The following LCT variants were observed in gnomAD, a reference collection of about 807,000 sequenced individuals.
The protein encoded by LCT is lactase/phlorizin hydrolase.
LCT carries 90 observed loss-of-function variants against 173.0 expected under a neutral mutation model. The observed-to-expected ratio is 0.52, with a 90% CI of 0.44 to 0.62. The LOEUF is 0.62. Ranked by LOEUF, LCT falls within the 20% of genes least tolerant of loss-of-function variation. LCT has a pLI of 0.00. For synonymous variants in LCT, 853 were observed against 957.6 expected (o/e 0.89, Z 2.02); for missense variants, 1,864 against 2,431.4 (o/e 0.77, Z 4.91).
chr2:135,818,085 G>A (rs1202128948), intron 5 of LCT, 24 bp from the exon 6 acceptor site: 1 of 1,612,836 alleles, frequency 6.2e-7, no homozygotes, highest in Admixed American at 1.7e-5. Context: ...GGGACAAAAA[G>A]GGACATAATA....
At chr2:135,811,552 G>A (rs2077734433) in intron 7 of LCT, among the ~76,000 whole-genome samples, 1 of 152,108 alleles carries the variant, frequency 6.6e-6, no homozygotes, top group Non-Finnish European at 1.5e-5. Context: ...CCAATTAAAG[G>A]AAATGAAGAC....
chr2:135,795,868 C>T (rs56982689), intron 13 of LCT, among the ~76,000 whole-genome samples: 24,157 of 151,890 alleles, frequency 0.16, 2,536 homozygotes, highest in South Asian at 0.29. Flanking sequence ...TCAAGCAATC[C>T]TCTCACCTCA....
In LCT at chr2:135,812,762, G is replaced by A. The variant is rs202014246; in HGVS notation, c.1902C>T (p.Pro634=). 69 of 1,614,132 alleles carry A rather than the reference G, an allele frequency of 4.3e-5. No individual in the cohort carries two copies. The highest frequency in any genetic ancestry group is 2.9e-4 in the East Asian group (13 of 44,874). ...CTGGGTAGTCTCCATCCACAAAGAC[G>A]GGGTGTGCAAACCAGCCCAGCATGA... The part of the protein sequence containing the change: ...LHFMLGWFAH[P]VFVDGDYPAT... Residue 634 remains proline, a synonymous_variant, in exon 7 of 17, where the codon CCC becomes CCT. Transcript: ENST00000264162.
rs939861708 is a variant in LCT, at chr2:135,828,838, T to C, written c.804+755A>G. On this transcript the variant is annotated intron_variant, in intron 3 of 16. Transcript: ENST00000264162. ...AGGTCCAGACAGCTGGGATCTGATT[T>C]AGTAGACCTGGGTGTGAAATGTTTG... Among the ~76,000 whole-genome samples, 7 of 152,148 alleles carry C rather than the reference T, an allele frequency of 4.6e-5. No individual in the cohort carries two copies. In the South Asian group the frequency reaches 6.2e-4, roughly 14 times the overall value.
chr2:135,819,482 G>A (rs1254916554), intron 5 of LCT, among the ~76,000 whole-genome samples: 1 of 152,174 alleles, frequency 6.6e-6, no homozygotes, highest in East Asian at 1.9e-4. Flanking sequence ...CAGCCATCGT[G>A]TGGAGAGCCG....
In LCT at chr2:135,812,336, A is replaced by T. The variant is rs2077740965; in HGVS notation, c.2328T>A (p.Asn776Lys). The T allele has an allele frequency of 1.2e-6, 2 of 1,613,862 alleles. No homozygotes were observed. Among genetic ancestry groups the T allele is most frequent in the Non-Finnish European group, 1.7e-6 (2 of 1,179,720 alleles). ...CCTTGAGCACCTCATTGATATATTG[A>T]TTGAAGTAGTCTACTCTTAAGGAAT... ...FDDSLRVDYFNQYINEVLKAI... is the reference protein window; with the variant it reads ...FDDSLRVDYFKQYINEVLKAI... Residue 776 changes from asparagine to lysine, a missense_variant, in exon 7 of 17, where the codon AAT becomes AAA. By Grantham distance (94) the Asn-to-Lys change is moderately conservative (BLOSUM62 0). This residue lies in a region of LCT where 755 missense variants were observed against 926.3 expected (regional missense o/e 0.82). Transcript: ENST00000264162.
At chr2:135,805,226 G>A (rs545345212) in intron 9 of LCT, among the ~76,000 whole-genome samples, 169 bp from the exon 10 acceptor site, 11 of 152,230 alleles carry the variant, frequency 7.2e-5, no homozygotes, top group South Asian at 2.1e-4. Context: ...CAACCCCAGC[G>A]CTATGGGAGG....
intron 16 of LCT, among the ~76,000 whole-genome samples, 166 bp downstream of exon 16, chr2:135,789,405 C>G (rs575966195): frequency 5.3e-5 from 8 of 152,192 alleles, no homozygotes; most frequent in African/African-American, 1.9e-4. Context: ...TTGTTCCACC[C>G]CAGGAAATGT....
chr2:135,792,169 G>A (rs750400836), intron 14 of LCT, among the ~76,000 whole-genome samples: 32 of 152,158 alleles, frequency 2.1e-4, no homozygotes, highest in African/African-American at 2.9e-4. Context: ...TACCTAGAGC[G>A]CAAGTGGATT....
chr2:135,788,605 T>A lies in LCT; in HGVS notation c.5564-61A>T, dbSNP rs544820071. 559 of 1,083,630 alleles carry A rather than the reference T, an allele frequency of 5.2e-4. 2 individuals carry two copies. In the African/African-American group the frequency reaches 7.5e-3, roughly 15 times the overall value. The allele number at this position is 1,083,630 out of a possible 1,614,324, so 67.1% of individuals were successfully genotyped here. Reference sequence around the variant, plus strand: ...GCGCTGATTTGAGTTCTCAGATCTCTGAGACCCCAGCAGAGGCTGCACGGT... The same window carrying A: ...GCGCTGATTTGAGTTCTCAGATCTCAGAGACCCCAGCAGAGGCTGCACGGT... On this transcript the variant is annotated intron_variant, in intron 16 of 16. Transcript: ENST00000264162.
chr2:135,800,212 A>C (rs1456242747), intron 12 of LCT, among the ~76,000 whole-genome samples: 2 of 152,188 alleles, frequency 1.3e-5, no homozygotes, highest in Admixed American at 6.5e-5. Context: ...AGGCAATAGC[A>C]AAACTAGGCT....
At chr2:135,794,565 G>T in intron 14 of LCT, 76 bp downstream of exon 14, 1 of 1,493,662 alleles carries the variant, frequency 6.7e-7, no homozygotes, top group Non-Finnish European at 9.3e-7. Flanking sequence ...GGCTGGGCAG[G>T]CCTCAGAGAG....
rs58161309 is a variant in LCT, at chr2:135,817,043, AT to A, written c.1707+297del. Among the ~76,000 whole-genome samples, 24,464 of 151,232 alleles carry A rather than the reference AT, an allele frequency of 0.16. 2,402 individuals are homozygous for A. Among genetic ancestry groups the A allele is most frequent in the South Asian group, 0.33 (1,567 of 4,786 alleles). On this transcript the variant is annotated intron_variant, in intron 6 of 16. Transcript: ENST00000264162. ...AACACTATGCCCAGCTAATTTTTGT[AT>A]TTTTTTTGCAGAGACAAGATTTCGC... is the stretch of plus-strand genomic sequence containing the variant.
At chr2:135,808,329 G>A in intron 8 of LCT, 114 bp downstream of exon 8, 1 of 883,042 alleles carries the variant, frequency 1.1e-6, no homozygotes, top group East Asian at 2.4e-5. Context: ...ATGGAGTTGG[G>A]ACCTAAGAGA....
rs772850804 is a variant in LCT, at chr2:135,788,482, C to T, written c.5626G>A (p.Gly1876Ser). Residue 1876 changes from glycine to serine, a missense_variant, in exon 17 of 17, where the codon GGC becomes AGC. By Grantham distance (56) the Gly-to-Ser change is moderately conservative. Coordinates refer to ENST00000264162, the MANE Select transcript of LCT (RefSeq NM_002299.4). Reference protein sequence around the residue: ...EEVQFLGLMLGTTEAQTALYV... With the variant: ...EEVQFLGLMLSTTEAQTALYV... ...AAAGCTGTCTGTGCTTCTGTGGTGC[C>T]GAGCATTAGCCCCAGGAACTGCACC... 16 of 1,613,180 alleles carry T rather than the reference C, an allele frequency of 9.9e-6. No individual in the cohort carries two copies. The highest frequency in any genetic ancestry group is 1.9e-4 in the Middle Eastern group (1 of 5,310).
Position 135,809,273 on chromosome 2 carries a change from TG to T in LCT, c.3073del (p.Gln1025ArgfsTer14). 6.2e-7 allele frequency: 1 copy of T among 1,614,136 alleles called. No individual in the cohort carries two copies. The highest frequency in any genetic ancestry group is 8.5e-7 in the Non-Finnish European group (1 of 1,179,966). ...MVTLFHWDLP[Q>X]ALQDIGGWEN... is the part of the protein sequence containing the mutation. ...CCAGCCTCCGATATCCTGGAGGGCC[TG>T]GGGCAGGTCCCAATGGAACAATGTC... On this transcript the variant is annotated frameshift_variant, in exon 8 of 17. Transcript: ENST00000264162. LOFTEE classifies it high-confidence loss of function. This position sits in a 1 kb window ranked among gnomAD's most constrained non-coding sequence, Gnocchi z 5.5.
chr2:135,836,717 G>C lies in LCT; in HGVS notation c.453C>G (p.Phe151Leu). The C allele has an allele frequency of 6.2e-7, 1 of 1,614,172 alleles. No homozygotes were observed. The highest frequency in any genetic ancestry group is 8.5e-7 in the Non-Finnish European group (1 of 1,180,028). The stretch of plus-strand genomic sequence containing the variant: ...GGAAGGCGAATGTGGCATAGTCGGC[G>C]AAGAGGTCAGCAAAGGCTTCGGTTC... The part of the protein sequence containing the change: ...LRRTEAFADL[F>L]ADYATFAFHS... The change falls in exon 1 of 17, where the codon TTC (phenylalanine) becomes TTG (leucine). Residue 151 changes from phenylalanine to leucine, a missense_variant. By Grantham distance (22) the Phe-to-Leu change is conservative. This residue lies in a region of LCT where 412 missense variants were observed against 462.0 expected (regional missense o/e 0.89). Coordinates refer to ENST00000264162, the MANE Select transcript of LCT (RefSeq NM_002299.4).
Position 135,804,001 on chromosome 2 carries a change from T to C in LCT, c.4592A>G (p.Lys1531Arg). ...GGGCTCATTCAGCGTGATCCAAAAC[T>C]TCACCTTGTCTCCCAGCCTCTGGAA... Reference protein sequence around the residue: ...VLFQRLGDKVKFWITLNEPFV... With the variant: ...VLFQRLGDKVRFWITLNEPFV... Residue 1531 changes from lysine (K) to arginine (R), a missense_variant, in exon 11 of 17, where the codon AAG (lysine) becomes AGG (arginine). Lys to Arg is a conservative substitution (Grantham distance 26, BLOSUM62 2). This residue lies in a region of LCT where 514 missense variants were observed against 750.1 expected (regional missense o/e 0.69). Transcript: ENST00000264162. The C allele has an allele frequency of 6.2e-7, 1 of 1,614,174 alleles. No individual in the cohort carries two copies. The highest frequency in any genetic ancestry group is 8.5e-7 in the Non-Finnish European group (1 of 1,180,006).
At chr2:135,811,046 A>G (rs997930194) in intron 7 of LCT, among the ~76,000 whole-genome samples, 12 of 151,748 alleles carry the variant, frequency 7.9e-5, no homozygotes, top group African/African-American at 2.7e-4. Context: ...AAAAGAAAAA[A>G]GAAAAGAAAA....
Sources: gnomAD v4.1 joint callset for allele counts (sites outside exome capture counted in the v4.1 genomes callset) on GRCh38, gnomAD v4.1.1 for gene constraint, gnomAD v4.1.1 regional missense constraint, Gnocchi (gnomAD v3.1) non-coding constraint, MANE v1.5 for transcripts, NCBI Gene and HGNC (gene_info 2026-07-23, HGNC 2026-07-21) for gene names.